The following ITPR2 variants were observed in gnomAD, a reference collection of about 807,000 sequenced individuals.
ITPR2 encodes inositol 1,4,5-trisphosphate receptor type 2, also known as inositol 1,4,5-trisphosphate-gated calcium channel ITPR2.
ITPR2 carries 207 observed loss-of-function variants against 317.1 expected under a neutral mutation model. The observed-to-expected ratio is 0.65, with a 90% CI of 0.58 to 0.73. ITPR2 has a LOEUF of 0.73. Ranked by LOEUF, ITPR2 falls within the 30% of genes least tolerant of loss-of-function variation. ITPR2 has a pLI of 0.00. For synonymous variants in ITPR2, 1,156 were observed against 1,149.1 expected, an observed-to-expected ratio of 1.01 and a Z score of -0.12; for missense variants, 2,613 against 3,284.0, an observed-to-expected ratio of 0.80 and a Z score of 4.99.
In ITPR2 at chr12:26,682,562, A is replaced by G. The variant is rs1948054723; in HGVS notation, c.1248+12T>C. ...TTTGGCTGAAAATTAAACCATCTTC[A>G]GTGACATTTACCTTTAACATAACAG... On this transcript the variant is annotated intron_variant, in intron 12 of 56. Coordinates refer to ENST00000381340, the MANE Select transcript of ITPR2 (RefSeq NM_002223.4). 3 of 1,540,596 alleles carry G rather than the reference A, an allele frequency of 1.9e-6. No homozygotes were observed.
intron 2 of ITPR2, among the ~76,000 whole-genome samples, chr12:26,781,581 T>C (rs900518302): frequency 2.0e-5 from 3 of 152,152 alleles, no homozygotes; most frequent in Non-Finnish European, 2.9e-5. Context: ...TTGAAGATTA[T>C]GTATGAGCTC....
At chr12:26,501,624 A>G (rs1430905441) in intron 37 of ITPR2, among the ~76,000 whole-genome samples, 1 of 152,242 alleles carries the variant, frequency 6.6e-6, no homozygotes, top group Non-Finnish European at 1.5e-5. Flanking sequence ...CTTGAAAAAT[A>G]TATGATGTCT....
At chr12:26,804,725 T>C (rs1476699838) in intron 1 of ITPR2, among the ~76,000 whole-genome samples, 2 of 151,918 alleles carry the variant, frequency 1.3e-5, no homozygotes, top group African/African-American at 4.8e-5. Context: ...GACTCTTATT[T>C]ATTTTATTTT....
intron 4 of ITPR2, 108 bp from the exon 5 acceptor site, chr12:26,722,663 T>C (rs1434414649): frequency 7.5e-6 from 6 of 800,298 alleles, no homozygotes; most frequent in Non-Finnish European, 1.1e-5. Context: ...TGGCTTGAGA[T>C]GAAAATTAAA....
intron 2 of ITPR2, among the ~76,000 whole-genome samples, chr12:26,775,626 G>A (rs1282159877): frequency 5.3e-5 from 8 of 152,078 alleles, no homozygotes; most frequent in Non-Finnish European, 1.0e-4. Context: ...GTTGCCAAAG[G>A]AGATTAACAT....
At chr12:26,653,577 C>T (rs1437830287) in intron 21 of ITPR2, among the ~76,000 whole-genome samples, 1 of 152,140 alleles carries the variant, frequency 6.6e-6, no homozygotes, top group Non-Finnish European at 1.5e-5. Context: ...TGGAGCACAG[C>T]CTTCAAATCT....
intron 2 of ITPR2, among the ~76,000 whole-genome samples, chr12:26,763,346 A>G (rs1565745132): frequency 6.6e-6 from 1 of 152,178 alleles, no homozygotes; most frequent in Non-Finnish European, 1.5e-5. Flanking sequence ...AGGCAATGAA[A>G]TAGTGAAAAT....
At chr12:26,376,702 T>TTTTCTTTC (rs368067657) in intron 55 of ITPR2, among the ~76,000 whole-genome samples, 3 of 151,640 alleles carry the variant, frequency 2.0e-5, no homozygotes, top group Non-Finnish European at 4.4e-5. Flanking sequence ...CTTTCTTTTT[T>TTTTCTTTC]TTTCTTTCTT....
intron 13 of ITPR2, among the ~76,000 whole-genome samples, chr12:26,678,296 G>C (rs986742476): frequency 3.3e-5 from 5 of 152,054 alleles, no homozygotes; most frequent in South Asian, 2.1e-4. Flanking sequence ...CAATTATGTA[G>C]AATAAGATTA....
At chr12:26,755,762 T>C (rs538730294) in intron 2 of ITPR2, among the ~76,000 whole-genome samples, 2 of 152,352 alleles carry the variant, frequency 1.3e-5, no homozygotes, top group East Asian at 3.9e-4. Context: ...TGCTTTCCTT[T>C]AAGGACTCAA....
intron 26 of ITPR2, among the ~76,000 whole-genome samples, chr12:26,603,158 G>C (rs1039182201): frequency 6.6e-6 from 1 of 152,086 alleles, no homozygotes; most frequent in Non-Finnish European, 1.5e-5. Flanking sequence ...TCAGAGAAGG[G>C]AGCAAAGAAC....
chr12:26,577,749 G>A (rs1167959260), intron 34 of ITPR2, among the ~76,000 whole-genome samples: 3 of 152,020 alleles, frequency 2.0e-5, no homozygotes, highest in Non-Finnish European at 4.4e-5. Flanking sequence ...AATAACCTAG[G>A]TCAAATTGCA....
intron 37 of ITPR2, among the ~76,000 whole-genome samples, chr12:26,517,686 A>G (rs1036337413): frequency 6.6e-6 from 1 of 152,220 alleles, no homozygotes; most frequent in Admixed American, 6.5e-5. Flanking sequence ...AAAAATACAA[A>G]AATTAGCCAG....
At chr12:26,374,205 G>A (rs1939273166) in intron 55 of ITPR2, among the ~76,000 whole-genome samples, 1 of 152,208 alleles carries the variant, frequency 6.6e-6, no homozygotes, top group South Asian at 2.1e-4. Flanking sequence ...AGGAACAAAT[G>A]CCAAACAGGT....
chr12:26,642,110 C>G (rs1029554812), intron 21 of ITPR2, among the ~76,000 whole-genome samples: 5 of 152,162 alleles, frequency 3.3e-5, no homozygotes, highest in African/African-American at 1.2e-4. Context: ...AAAAGGCTTG[C>G]TGCCTAGAGC....
chr12:26,571,506 T>C (rs1945159339), intron 34 of ITPR2, among the ~76,000 whole-genome samples: 1 of 152,268 alleles, frequency 6.6e-6, no homozygotes. Flanking sequence ...TATATTTGTC[T>C]CATGTATAGC....
At chr12:26,663,925 T>A in intron 14 of ITPR2, 79 bp from the exon 15 acceptor site, 3 of 1,289,828 alleles carry the variant, frequency 2.3e-6, no homozygotes, top group Non-Finnish European at 3.2e-6. Context: ...ATAAGAACAT[T>A]GATTCAAAAA....
At chr12:26,492,396 C>T (rs1942826503) in intron 39 of ITPR2, among the ~76,000 whole-genome samples, 1 of 151,586 alleles carries the variant, frequency 6.6e-6, no homozygotes, top group East Asian at 1.9e-4. Context: ...CCCTTAGTGG[C>T]CTAGAAACAG....
chr12:26,516,280 G>A (rs12368439), intron 37 of ITPR2, among the ~76,000 whole-genome samples: 24,410 of 44,406 alleles, frequency 0.55, 7,683 homozygotes, highest in Non-Finnish European at 0.63. Context: ...AGGAAGGGAA[G>A]GGAAGGGAAA....
Sources: gnomAD v4.1 joint callset for allele counts (sites outside exome capture counted in the v4.1 genomes callset) on GRCh38, gnomAD v4.1.1 for gene constraint, MANE v1.5 for transcripts, NCBI Gene and HGNC (gene_info 2026-07-23, HGNC 2026-07-21) for gene names.